SH2D5: variants seen among roughly 807,000 people sequenced by gnomAD.
The protein encoded by SH2D5 is SH2 domain containing 5.
A neutral mutation model predicts 48.2 loss-of-function variants in SH2D5; 45 were observed. That is an observed-to-expected ratio of 0.93 (90% CI 0.73 to 1.20). The LOEUF is 1.20. SH2D5 is among the 50% of genes most tolerant of loss of function. SH2D5 has a pLI of 0.00. For synonymous variants in SH2D5, 230 were observed against 249.8 expected (o/e 0.92, Z 0.75); for missense variants, 538 against 584.1 (o/e 0.92, Z 0.81).
At chr1:20,725,343 G>A (rs554161613) in intron 5 of SH2D5, among the ~76,000 whole-genome samples, 1 of 152,358 alleles carries the variant, frequency 6.6e-6, no homozygotes, top group South Asian at 2.1e-4. Flanking sequence ...GCGTCTGCCT[G>A]CCAAGCGCCT....
Position 20,721,733 on chromosome 1 carries a change from T to C in SH2D5, c.*59A>G. The C allele has an allele frequency of 7.0e-7, 1 of 1,426,340 alleles. No individual in the cohort carries two copies. Among genetic ancestry groups the C allele is most frequent in the Non-Finnish European group, 9.3e-7 (1 of 1,071,886 alleles). 88.4% of individuals were successfully genotyped at this position (1,426,340 alleles called of 1,614,324 possible). On this transcript the variant is annotated 3_prime_UTR_variant, in exon 10 of 10. Transcript: ENST00000444387. Reference sequence around the variant, plus strand: ...CAGAGGGGTGCAGGACGGGCAGAGATGCTGCTGGGGCCCAGGAGCCGGGGT... The same window carrying C: ...CAGAGGGGTGCAGGACGGGCAGAGACGCTGCTGGGGCCCAGGAGCCGGGGT...
rs368424357 is a variant in SH2D5 at position 20,724,308 on chromosome 1, C to T, written c.631-57G>A. 16 of 1,602,940 alleles carry T rather than the reference C, an allele frequency of 1.0e-5. No individual in the cohort carries two copies. In the East Asian group the frequency reaches 3.1e-4, roughly 31 times the overall value. On this transcript the variant is annotated intron_variant, in intron 6 of 9. Transcript: ENST00000444387. ...AGACTCAGGTCTAGCCATGTCAGGC[C>T]AAGTGAAGCCCCTGCCCTGACATGC...
rs1345745013 is a variant in SH2D5, at chr1:20,720,417, G to T, written c.*1375C>A. 6.6e-6 allele frequency: 1 copy of T among 152,278 alleles called. No individual in the cohort carries two copies. Among genetic ancestry groups the T allele is most frequent in the Non-Finnish European group, 1.5e-5 (1 of 68,068 alleles). The allele number at this position is 152,278 out of a possible 1,614,324, so 9.4% of individuals were successfully genotyped here. A position where few individuals can be genotyped will look rare whatever the true frequency, so the allele number is the denominator to read the frequency against. ...GGCTGGCTTCTCACTCCCCAAGTTT[G>T]CCTCCTTTCTTTCTGCTCTGGTGGG... On this transcript the variant is annotated 3_prime_UTR_variant, in exon 10 of 10. Coordinates refer to ENST00000444387, the MANE Select transcript of SH2D5 (RefSeq NM_001103161.2).
chr1:20,723,726 C>G lies in SH2D5; in HGVS notation c.808G>C (p.Ala270Pro), dbSNP rs373920480. 1.6e-5 allele frequency: 25 copies of G among 1,612,420 alleles called. No homozygotes were observed. The highest frequency in any genetic ancestry group is 1.9e-5 in the Non-Finnish European group (22 of 1,179,656). ...GGACCCCGGGGCCATGCCTCCCATGCGGCAGGAACTGTGGAGACCATCCAG... is the reference window on the plus strand; with the variant it reads ...GGACCCCGGGGCCATGCCTCCCATGGGGCAGGAACTGTGGAGACCATCCAG... Reference protein sequence around the residue: ...QLSAREAFPAAWEAWPRGPGG... With the variant: ...QLSAREAFPAPWEAWPRGPGG... Residue 270 changes from alanine to proline, a missense_variant, in exon 8 of 10, where the codon GCA becomes CCA. By Grantham distance (27) the Ala-to-Pro change is conservative. Coordinates refer to ENST00000444387, the MANE Select transcript of SH2D5 (RefSeq NM_001103161.2).
At position 20,723,673 on chromosome 1, in the gene SH2D5, G is replaced by T; in HGVS notation, c.861C>A (p.Ser287Arg). The T allele has an allele frequency of 6.2e-7, 1 of 1,613,074 alleles. No individual in the cohort carries two copies. The change falls in exon 8 of 10, where the codon AGC becomes AGA. Residue 287 changes from serine to arginine, a missense_variant. By Grantham distance (110) the Ser-to-Arg change is moderately radical. Transcript: ENST00000444387. Reference protein sequence around the residue: ...GPGGHSCLVESEGSLTENIWA... With the variant: ...GPGGHSCLVEREGSLTENIWA... ...AGATGTTCTCCGTCAGGCTGCCCTC[G>T]CTCTCCACCAGGCACGAGTGGCCAC...
At position 20,732,066 on chromosome 1, in the gene SH2D5, C is replaced by T. The variant is rs1382176847; in HGVS notation, c.-43+115G>A. 1 of 152,278 alleles carries T rather than the reference C, an allele frequency of 6.6e-6. No homozygotes were observed. Among genetic ancestry groups the T allele is most frequent in the Non-Finnish European group, 1.5e-5 (1 of 67,894 alleles). 9.4% of individuals were successfully genotyped at this position (152,278 alleles called of 1,614,324 possible). The stretch of plus-strand genomic sequence containing the variant: ...ACCCCCGCGTCTCCCGCCGCCGCAG[C>T]CCCGCGCCTGGGTGCCCGCTTCCCG... On this transcript the variant is annotated intron_variant, in intron 1 of 9. Coordinates refer to ENST00000444387, the MANE Select transcript of SH2D5 (RefSeq NM_001103161.2). The surrounding 1 kb of genome is among the most constrained non-coding windows in gnomAD (Gnocchi z 5.1).
chr1:20,731,768 G>T (rs1180052542), intron 1 of SH2D5, among the ~76,000 whole-genome samples: 1 of 152,094 alleles, frequency 6.6e-6, no homozygotes. Context: ...GTGGGCTGCC[G>T]GTCCCGCTGC....
rs2054931332 is a variant in SH2D5 at position 20,732,673 on chromosome 1, C to A, written c.-535G>T. 6.6e-6 allele frequency: 1 copy of A among 152,322 alleles called. No individual in the cohort carries two copies. The highest frequency in any genetic ancestry group is 2.1e-4 in the South Asian group (1 of 4,832). 9.4% of individuals were successfully genotyped at this position (152,322 alleles called of 1,614,324 possible). A position where few individuals can be genotyped will look rare whatever the true frequency, so the allele number is the denominator to read the frequency against. Reference sequence around the variant, plus strand: ...CGTTGCGCATCCTCCTCCTCACTTTCTTCCTGCCGGGACGTTCTCAGCCGG... The same window carrying A: ...CGTTGCGCATCCTCCTCCTCACTTTATTCCTGCCGGGACGTTCTCAGCCGG... On this transcript the variant is annotated 5_prime_UTR_variant, in exon 1 of 10. Coordinates refer to ENST00000444387, the MANE Select transcript of SH2D5 (RefSeq NM_001103161.2). The surrounding 1 kb of genome is among the most constrained non-coding windows in gnomAD (Gnocchi z 5.1).
chr1:20,725,982 T>C lies in SH2D5; in HGVS notation c.328A>G (p.Asn110Asp), dbSNP rs971332586. 4 of 1,613,104 alleles carry C rather than the reference T, an allele frequency of 2.5e-6. No individual in the cohort carries two copies. In the African/African-American group the frequency reaches 5.3e-5, roughly 22 times the overall value. ...ADCQFAFMAR[N>D]PRSPASKLFC... The stretch of plus-strand genomic sequence containing the variant: ...AGCTTGCTGGCTGGGCTCCGTGGGT[T>C]TCGAGCCATGAAGGCAAACTGGCAG... The change falls in exon 5 of 10, where the codon AAC (asparagine) becomes GAC (aspartate). Residue 110 changes from asparagine to aspartate, a missense_variant. By Grantham distance (23) the Asn-to-Asp change is conservative (BLOSUM62 1). Coordinates refer to ENST00000444387, the MANE Select transcript of SH2D5 (RefSeq NM_001103161.2).
chr1:20,722,063 C>T, intron 9 of SH2D5, 68 bp from the exon 10 acceptor site: 1 of 1,458,508 alleles, frequency 6.9e-7, no homozygotes, highest in Non-Finnish European at 9.4e-7. Flanking sequence ...CAGCCACCCG[C>T]TCCCACAGGA....
In SH2D5 at chr1:20,722,798, G is replaced by A; in HGVS notation, c.1026C>T (p.Pro342=). The change falls in exon 9 of 10, where the codon CCC becomes CCT. Residue 342 remains proline (P), a synonymous_variant. Coordinates refer to ENST00000444387, the MANE Select transcript of SH2D5 (RefSeq NM_001103161.2). ...CCAGGTGGTTCCGGAAGACCTGGTGGGGCACCACGCCGCACTGCGTGCGCA... is the reference window on the plus strand; with the variant it reads ...CCAGGTGGTTCCGGAAGACCTGGTGAGGCACCACGCCGCACTGCGTGCGCA... ...LSVRTQCGVV[P]HQVFRNHLGR... 6.3e-7 allele frequency: 1 copy of A among 1,584,454 alleles called. No homozygotes were observed. The highest frequency in any genetic ancestry group is 8.6e-7 in the Non-Finnish European group (1 of 1,164,336).
intron 4 of SH2D5, among the ~76,000 whole-genome samples, chr1:20,726,506 G>T (rs1383236038): frequency 6.6e-6 from 1 of 152,028 alleles, no homozygotes; most frequent in Non-Finnish European, 1.5e-5. Context: ...CCCAGCTCTG[G>T]GGACACCAGG....
chr1:20,726,131 C>G, intron 4 of SH2D5, 65 bp from the exon 5 acceptor site: 1 of 1,503,012 alleles, frequency 6.7e-7, no homozygotes, highest in Non-Finnish European at 8.9e-7. Context: ...TGCTTGCCAG[C>G]CTGCAGGGGT....
chr1:20,724,392 G>A lies in SH2D5; in HGVS notation c.630+4C>T, dbSNP rs200098979. 4.3e-4 allele frequency: 698 copies of A among 1,612,330 alleles called. 1 individual carries two copies. The highest frequency in any genetic ancestry group is 5.2e-4 in the Non-Finnish European group (612 of 1,179,700). ...GCCCACTCCTTGGCTGGGGTGCTGC[G>A]TACCCCACTGCCCACCAGCCCCTCT... On this transcript the variant is annotated splice_donor_region_variant and intron_variant, in intron 6 of 9. Coordinates refer to ENST00000444387, the MANE Select transcript of SH2D5 (RefSeq NM_001103161.2).
intron 8 of SH2D5, 40 bp from the exon 9 acceptor site, chr1:20,722,955 C>T (rs1042182280): frequency 6.7e-7 from 1 of 1,485,352 alleles, no homozygotes; most frequent in Non-Finnish European, 9.0e-7. Context: ...CTGGACTGCT[C>T]TCCTGGGCAA....
Position 20,723,700 on chromosome 1 carries a change from A to T in SH2D5, c.834T>A (p.Pro278=). 1 of 1,613,040 alleles carries T rather than the reference A, an allele frequency of 6.2e-7. No individual in the cohort carries two copies. Among genetic ancestry groups the T allele is most frequent in the Non-Finnish European group, 8.5e-7 (1 of 1,179,978 alleles). Residue 278 remains proline (P), a synonymous_variant, in exon 8 of 10, where the codon CCT becomes CCA. Transcript: ENST00000444387. ...PAAWEAWPRG[P]GGHSCLVESE... is the part of the protein sequence containing the mutation. ...TCTCCACCAGGCACGAGTGGCCACCAGGACCCCGGGGCCATGCCTCCCATG... is the reference window on the plus strand; with the variant it reads ...TCTCCACCAGGCACGAGTGGCCACCTGGACCCCGGGGCCATGCCTCCCATG...
chr1:20,730,206 G>A (rs1432139555), intron 1 of SH2D5, among the ~76,000 whole-genome samples: 3 of 152,064 alleles, frequency 2.0e-5, no homozygotes, highest in Non-Finnish European at 4.4e-5. Context: ...GGGGTGGCCG[G>A]GGACAGAGGC....
At chr1:20,722,697 C>T (rs2054709658) in intron 9 of SH2D5, 59 bp downstream of exon 9, 12 of 1,394,456 alleles carry the variant, frequency 8.6e-6, no homozygotes, top group Middle Eastern at 2.5e-4. Context: ...GCAGGAAGGG[C>T]CAGGGATGGA....
rs752514535 is a variant in SH2D5, at chr1:20,723,775, C to T, written c.800-41G>A. 11 of 1,507,906 alleles carry T rather than the reference C, an allele frequency of 7.3e-6. No homozygotes were observed. In the East Asian group the frequency reaches 1.1e-4, roughly 16 times the overall value. 93.4% of individuals were successfully genotyped at this position (1,507,906 alleles called of 1,614,324 possible). On this transcript the variant is annotated intron_variant, in intron 7 of 9. Coordinates refer to ENST00000444387, the MANE Select transcript of SH2D5 (RefSeq NM_001103161.2). ...AGGAGTCAGAAGGAGAGTGGCCGAG[C>T]CCTCCCATTCCCTGCGGCCGCAGGC...
Sources: allele counts gnomAD v4.1 joint callset (sites outside exome capture counted in the v4.1 genomes callset), GRCh38; gene constraint gnomAD v4.1.1; non-coding constraint Gnocchi (gnomAD v3.1); transcripts MANE v1.5; gene names NCBI Gene and HGNC (gene_info 2026-07-23, HGNC 2026-07-21).